The following BRI3BP variants were observed in gnomAD, a reference collection of about 807,000 sequenced individuals.
The protein encoded by BRI3BP is BRI3 binding protein, also known as BRI3-binding protein.
BRI3BP carries 7 observed loss-of-function variants against 15.8 expected under a neutral mutation model. The ratio of observed to expected loss-of-function variants is 0.44; its 90% confidence interval spans 0.25 to 0.83. The LOEUF (loss-of-function observed/expected upper bound fraction) is 0.83. Among genes scored for constraint, BRI3BP ranks in the 40% least tolerant of loss-of-function variants. The pLI, the probability that BRI3BP is intolerant of heterozygous loss-of-function variation, is 0.20. For missense variants in BRI3BP, 320 were observed against 339.3 expected (o/e 0.94, Z 0.45); for synonymous variants, 192 against 163.5 (o/e 1.17, Z -1.33).
At position 124,993,783 on chromosome 12, in the gene BRI3BP, G is replaced by A. The variant is rs1955015494; in HGVS notation, c.-8G>A. The stretch of plus-strand genomic sequence containing the variant: ...CCGCATCGCGACCCCGCGCCCCGCC[G>A]GCCGAGCATGGGCGCGCGCGCCTCA... On this transcript the variant is annotated 5_prime_UTR_variant, in exon 1 of 3. Coordinates refer to ENST00000341446, the MANE Select transcript of BRI3BP (RefSeq NM_080626.6). 9.8e-7 allele frequency: 1 copy of A among 1,022,960 alleles called. No individual in the cohort carries two copies. The highest frequency in any genetic ancestry group is 1.2e-6 in the Non-Finnish European group (1 of 857,830). 63.4% of individuals were successfully genotyped at this position (1,022,960 alleles called of 1,614,324 possible). A position where few individuals can be genotyped will look rare whatever the true frequency, so the allele number is the denominator to read the frequency against.
At position 125,025,116 on chromosome 12, in the gene BRI3BP, A is replaced by G; in HGVS notation, c.442A>G (p.Ser148Gly). The G allele has an allele frequency of 1.2e-6, 2 of 1,613,862 alleles. No individual in the cohort carries two copies. The highest frequency in any genetic ancestry group is 1.7e-6 in the Non-Finnish European group (2 of 1,180,010). ...FLSLTLGFTF[S>G]VLHVVFGRFF... ...GTCCCTGACCCTGGGCTTCACTTTC[A>G]GCGTCCTGCACGTGGTGTTCGGCCG... The change falls in exon 3 of 3, where the codon AGC becomes GGC. Residue 148 changes from serine to glycine, a missense_variant. By Grantham distance (56) the Ser-to-Gly change is moderately conservative. Coordinates refer to ENST00000341446, the MANE Select transcript of BRI3BP (RefSeq NM_080626.6).
chr12:125,035,822 A>C (rs1267988215), downstream of BRI3BP, among the ~76,000 whole-genome samples: 2 of 152,190 alleles, frequency 1.3e-5, no homozygotes, highest in Non-Finnish European at 2.9e-5. Flanking sequence ...TATTTCTGAC[A>C]AGTGTAAACA....
chr12:125,019,634 C>CTTTTTTTT (rs1565906073), intron 2 of BRI3BP, among the ~76,000 whole-genome samples: 2 of 45,540 alleles, frequency 4.4e-5, no homozygotes, highest in African/African-American at 5.8e-5. Flanking sequence ...TTAATTCCAC[C>CTTTTTTTT]CTTTTTTTTT....
downstream of BRI3BP, among the ~76,000 whole-genome samples, chr12:125,035,690 T>C (rs1361133371): frequency 2.0e-5 from 3 of 152,116 alleles, no homozygotes; most frequent in Non-Finnish European, 4.4e-5. Flanking sequence ...CTGGCCTCTT[T>C]TTTTCTTTTT....
At chr12:125,003,175 T>C (rs958146002) in intron 1 of BRI3BP, among the ~76,000 whole-genome samples, 3 of 152,204 alleles carry the variant, frequency 2.0e-5, no homozygotes, top group Non-Finnish European at 4.4e-5. Context: ...TGATTTTCCA[T>C]AGGACCCGTT....
chr12:125,003,190 T>C (rs970924649), intron 1 of BRI3BP, among the ~76,000 whole-genome samples: 12 of 152,200 alleles, frequency 7.9e-5, no homozygotes, highest in African/African-American at 2.7e-4. Flanking sequence ...CCCGTTTGCA[T>C]GTGCCTGAGG....
At chr12:125,021,686 CGTCTTA>C in intron 2 of BRI3BP, among the ~76,000 whole-genome samples, 1 of 152,238 alleles carries the variant, frequency 6.6e-6, no homozygotes, top group South Asian at 2.1e-4. Flanking sequence ...AAGCAAGGCA[CGTCTTA>C]CGTGGTGGCA....
At chr12:125,018,149 C>T (rs1294760703) in intron 2 of BRI3BP, among the ~76,000 whole-genome samples, 1 of 152,166 alleles carries the variant, frequency 6.6e-6, no homozygotes, top group African/African-American at 2.4e-5. Flanking sequence ...CAGCTGCACC[C>T]AGAGCCAGCT....
intron 2 of BRI3BP, among the ~76,000 whole-genome samples, chr12:125,016,063 T>C (rs762947222): frequency 1.3e-5 from 2 of 152,148 alleles, no homozygotes; most frequent in Non-Finnish European, 2.9e-5. Flanking sequence ...CCTAATCATA[T>C]GGAAGAAGCC....
chr12:125,036,274 C>T, the BRI3BP span, among the ~76,000 whole-genome samples: 1 of 151,616 alleles, frequency 6.6e-6, no homozygotes, highest in Non-Finnish European at 1.5e-5. Context: ...CCATGTTGGT[C>T]AGACTGGTCT....
Position 125,022,541 on chromosome 12 carries a change from A to ATTTATTTTTTTTTTTTTTT in BRI3BP, c.317-2447_317-2446insATTTTTTTTTTTTTTTTTT. 1.2e-3 allele frequency among the ~76,000 whole-genome samples: 161 copies of ATTTATTTTTTTTTTTTTTT among 139,388 alleles called. 1 individual carries two copies. The highest frequency in any genetic ancestry group is 5.6e-3 in the East Asian group (27 of 4,846). 91.4% of individuals were successfully genotyped at this position (139,388 alleles called of 152,430 possible). ...TTATTATTTATTTATTTATTTATTTATTTTTTGAGACAGAGCCTCACTGTG... is the reference window on the plus strand; with the variant it reads ...TTATTATTTATTTATTTATTTATTTATTTATTTTTTTTTTTTTTTTTTTTTGAGACAGAGCCTCACTGTG... On this transcript the variant is annotated intron_variant, in intron 2 of 2. Transcript: ENST00000341446.
In BRI3BP at chr12:125,025,286, C is replaced by T. The variant is rs1313267920; in HGVS notation, c.612C>T (p.Tyr204=). 5 of 1,613,962 alleles carry T rather than the reference C, an allele frequency of 3.1e-6. No homozygotes were observed. Among genetic ancestry groups the T allele is most frequent in the Non-Finnish European group, 4.2e-6 (5 of 1,180,040 alleles). Residue 204 remains tyrosine, a synonymous_variant, in exon 3 of 3, where the codon TAC becomes TAT. Coordinates refer to ENST00000341446, the MANE Select transcript of BRI3BP (RefSeq NM_080626.6). ...TCATGACCGGGCCCATGGGCTTCTA[C>T]TGGCGAAGCAGTCCCAGCGGCCCCA... ...VYFMTGPMGF[Y]WRSSPSGPSN...
At chr12:125,045,720 A>G in the BRI3BP span, among the ~76,000 whole-genome samples, 23 of 152,204 alleles carry the variant, frequency 1.5e-4, no homozygotes, top group African/African-American at 4.8e-4. Flanking sequence ...ATAACTAAAT[A>G]TTGAGTGCCT....
chr12:125,000,571 C>G (rs1490503340), intron 1 of BRI3BP, among the ~76,000 whole-genome samples: 1 of 152,112 alleles, frequency 6.6e-6, no homozygotes, highest in Non-Finnish European at 1.5e-5. Context: ...CTCGGCCTCC[C>G]AAAGTGCTGG....
In BRI3BP at chr12:125,029,768, A is replaced by G. The variant is rs921615202; in HGVS notation, c.*4338A>G. ...AGTGAATGCCGTTGAAAGGTGTTTCATACACTTACCCCAGAAATGAGAGCC... is the reference window on the plus strand; with the variant it reads ...AGTGAATGCCGTTGAAAGGTGTTTCGTACACTTACCCCAGAAATGAGAGCC... On this transcript the variant is annotated 3_prime_UTR_variant, in exon 3 of 3. Coordinates refer to ENST00000341446, the MANE Select transcript of BRI3BP (RefSeq NM_080626.6). 6.6e-6 allele frequency: 1 copy of G among 152,162 alleles called. No homozygotes were observed. Among genetic ancestry groups the G allele is most frequent in the Non-Finnish European group, 1.5e-5 (1 of 68,038 alleles). 9.4% of individuals were successfully genotyped at this position (152,162 alleles called of 1,614,324 possible).
chr12:125,018,927 T>C lies in BRI3BP; in HGVS notation c.317-6064T>C, dbSNP rs199553466. On this transcript the variant is annotated intron_variant, in intron 2 of 2. Transcript: ENST00000341446. ...AGGTTGGAGAGCAATGCCGCAATCT[T>C]GGCTCACTGCAACCTCCGCCTCCCG... 3.0e-4 allele frequency among the ~76,000 whole-genome samples: 45 copies of C among 152,132 alleles called. No individual in the cohort carries two copies. The East Asian group carries it at 4.8e-3, about 16-fold the overall frequency.
At chr12:125,038,433 T>C in the BRI3BP span, among the ~76,000 whole-genome samples, 117 of 152,258 alleles carry the variant, frequency 7.7e-4, no homozygotes, top group African/African-American at 2.6e-3. Context: ...AACTTAAAAC[T>C]AAGATGCTTG....
chr12:125,038,112 C>T, the BRI3BP span, among the ~76,000 whole-genome samples: 1 of 151,004 alleles, frequency 6.6e-6, no homozygotes, highest in Admixed American at 6.6e-5. Flanking sequence ...GGGCAACATA[C>T]CAAAAATACA....
At chr12:124,994,178 C>G (rs1283532850) in intron 1 of BRI3BP, among the ~76,000 whole-genome samples, 175 bp downstream of exon 1, 1 of 151,740 alleles carries the variant, frequency 6.6e-6, no homozygotes, top group East Asian at 2.0e-4. Context: ...CCGGGCCTGA[C>G]CAGTGCGGGT....
Sources: allele counts gnomAD v4.1 joint callset (sites outside exome capture counted in the v4.1 genomes callset), GRCh38; gene constraint gnomAD v4.1.1; transcripts MANE v1.5; gene names NCBI Gene and HGNC (gene_info 2026-07-23, HGNC 2026-07-21).